The following MAGI2 variants were observed in gnomAD, a reference collection of about 807,000 sequenced individuals.
MAGI2 encodes the protein membrane-associated guanylate kinase, WW and PDZ domain-containing protein 2.
A neutral mutation model predicts 133.3 loss-of-function variants in MAGI2; 35 were observed. The observed-to-expected ratio is 0.26, with a 90% CI of 0.20 to 0.35. MAGI2 has a LOEUF of 0.35. Ranked by LOEUF, MAGI2 falls within the 10% of genes least tolerant of loss-of-function variation. MAGI2 has a pLI of 1.00. For missense variants in MAGI2, 1,636 were observed against 1,863.4 expected (o/e 0.88, Z 2.25); for synonymous variants, 729 against 710.6 (o/e 1.03, Z -0.41).
intron 2 of MAGI2, among the ~76,000 whole-genome samples, chr7:78,883,285 A>T (rs537121947): frequency 6.6e-6 from 1 of 152,186 alleles, no homozygotes; most frequent in South Asian, 2.1e-4. Context: ...AAACAAAACC[A>T]AATAAACAAA....
chr7:78,753,240 A>G (rs191969376), intron 2 of MAGI2, among the ~76,000 whole-genome samples: 1 of 151,104 alleles, frequency 6.6e-6, no homozygotes, highest in Non-Finnish European at 1.5e-5. Flanking sequence ...GGAAAATAGT[A>G]ATCAATAAAC....
rs553695964 is a variant in MAGI2 at position 79,208,294 on chromosome 7, G to T, written c.302-201088C>A. 4.6e-5 allele frequency among the ~76,000 whole-genome samples: 7 copies of T among 151,936 alleles called. No individual in the cohort carries two copies. The East Asian group carries it at 9.7e-4, about 21-fold the overall frequency. On this transcript the variant is annotated intron_variant, in intron 1 of 21. Transcript: ENST00000354212. ...TTTTCAAAATATACATCTGATAAGG[G>T]TTTAATAACCAAAATATATAAAATA...
intron 1 of MAGI2, among the ~76,000 whole-genome samples, chr7:79,016,911 C>A (rs1167010663): frequency 6.6e-6 from 1 of 152,254 alleles, no homozygotes; most frequent in African/African-American, 2.4e-5. Context: ...CAGTCCCATG[C>A]CTGCCAGTGC....
intron 9 of MAGI2, among the ~76,000 whole-genome samples, chr7:78,312,935 TTTA>T (rs1233393634): frequency 6.6e-6 from 1 of 150,400 alleles, no homozygotes; most frequent in East Asian, 1.9e-4. Flanking sequence ...ATATATATAT[TTTA>T]TATATATGTG....
chr7:78,883,712 G>A (rs1796054572), intron 2 of MAGI2, among the ~76,000 whole-genome samples: 1 of 151,960 alleles, frequency 6.6e-6, no homozygotes, highest in South Asian at 2.1e-4. Flanking sequence ...CACAACTACA[G>A]CAATCTGATA....
intron 6 of MAGI2, among the ~76,000 whole-genome samples, chr7:78,404,162 T>C (rs543910221): frequency 1.3e-5 from 2 of 152,016 alleles, no homozygotes; most frequent in Admixed American, 6.6e-5. Flanking sequence ...CTCAATGAAA[T>C]AAAAGAGGAC....
chr7:78,096,717 G>T (rs1229184607), intron 20 of MAGI2, among the ~76,000 whole-genome samples: 3 of 152,124 alleles, frequency 2.0e-5, no homozygotes, highest in Non-Finnish European at 2.9e-5. Context: ...TATTACTGCA[G>T]TAGAGTTGAG....
intron 4 of MAGI2, among the ~76,000 whole-genome samples, chr7:78,516,942 T>C (rs1270873791): frequency 6.6e-6 from 1 of 152,128 alleles, no homozygotes. Flanking sequence ...GCTTTGTGAA[T>C]TGGTTTGCTT....
At chr7:78,029,594 A>C (rs916788137) in intron 21 of MAGI2, among the ~76,000 whole-genome samples, 17 of 152,248 alleles carry the variant, frequency 1.1e-4, no homozygotes, top group Admixed American at 6.5e-5. Context: ...TCCCAACCGC[A>C]GAGGCCCTTT....
At position 79,182,260 on chromosome 7, in the gene MAGI2, G is replaced by A. The variant is rs554478193; in HGVS notation, c.302-175054C>T. Among the ~76,000 whole-genome samples, 20 of 152,094 alleles carry A rather than the reference G, an allele frequency of 1.3e-4. No homozygotes were observed. In the East Asian group the frequency reaches 1.9e-3, roughly 15 times the overall value. On this transcript the variant is annotated intron_variant, in intron 1 of 21. Transcript: ENST00000354212. ...ACTGGGCAATTTACAAAAGAAAGAG[G>A]TTTATTGGATTAACAGTTCCACATA...
chr7:79,152,022 C>T (rs187523067), intron 1 of MAGI2, among the ~76,000 whole-genome samples: 108 of 152,190 alleles, frequency 7.1e-4, no homozygotes, highest in African/African-American at 2.4e-3. Flanking sequence ...AATTAAGATA[C>T]GTTGGGAGGA....
At chr7:79,446,966 A>C (rs1355017218) in intron 1 of MAGI2, among the ~76,000 whole-genome samples, 1 of 152,142 alleles carries the variant, frequency 6.6e-6, no homozygotes, top group Non-Finnish European at 1.5e-5. Context: ...AAAAATAATA[A>C]ATAAGTGAAA....
At chr7:78,744,205 T>C (rs1563442931) in intron 2 of MAGI2, among the ~76,000 whole-genome samples, 1 of 152,190 alleles carries the variant, frequency 6.6e-6, no homozygotes, top group Non-Finnish European at 1.5e-5. Flanking sequence ...AATTTCTTTA[T>C]GAATGAGTCA....
At chr7:78,454,703 A>T (rs1416099894) in intron 6 of MAGI2, among the ~76,000 whole-genome samples, 1 of 152,216 alleles carries the variant, frequency 6.6e-6, no homozygotes, top group African/African-American at 2.4e-5. Flanking sequence ...TAAACAAACC[A>T]TGGTGCAGCC....
At chr7:79,305,790 A>C (rs1401558101) in intron 1 of MAGI2, among the ~76,000 whole-genome samples, 1 of 152,022 alleles carries the variant, frequency 6.6e-6, no homozygotes, top group Non-Finnish European at 1.5e-5. Context: ...GCATGGTGGC[A>C]CATGCCTATA....
At chr7:78,992,224 T>C (rs1562760559) in intron 2 of MAGI2, among the ~76,000 whole-genome samples, 1 of 152,008 alleles carries the variant, frequency 6.6e-6, no homozygotes, top group Non-Finnish European at 1.5e-5. Flanking sequence ...GTATTCTGTT[T>C]ACCCATCTGT....
intron 6 of MAGI2, among the ~76,000 whole-genome samples, chr7:78,425,332 G>A (rs924971030): frequency 6.6e-6 from 1 of 152,156 alleles, no homozygotes; most frequent in Non-Finnish European, 1.5e-5. Flanking sequence ...ACGTGGAACT[G>A]TAAGTCCAAT....
intron 21 of MAGI2, among the ~76,000 whole-genome samples, chr7:78,050,000 C>T (rs915230527): frequency 1.1e-4 from 16 of 152,094 alleles, no homozygotes; most frequent in African/African-American, 3.6e-4. Context: ...TGAAATATGC[C>T]ACTATTTCTC....
intron 10 of MAGI2, among the ~76,000 whole-genome samples, chr7:78,202,454 G>A (rs1026437241): frequency 5.3e-5 from 8 of 151,902 alleles, no homozygotes; most frequent in African/African-American, 7.3e-5. Flanking sequence ...AGGCCGAGGC[G>A]GGCGGATTAC....
Sources: allele counts gnomAD v4.1 joint callset (sites outside exome capture counted in the v4.1 genomes callset), GRCh38; gene constraint gnomAD v4.1.1; transcripts MANE v1.5; gene names NCBI Gene and HGNC (gene_info 2026-07-23, HGNC 2026-07-21).